TGFB2: variants seen among roughly 807,000 people sequenced by gnomAD.
TGFB2 encodes the protein transforming growth factor beta-2 proprotein.
A neutral mutation model predicts 42.7 loss-of-function variants in TGFB2; 13 were observed. That is an observed-to-expected ratio of 0.30 (90% CI 0.20 to 0.48). The LOEUF (loss-of-function observed/expected upper bound fraction) is 0.48. Among genes scored for constraint, TGFB2 ranks in the 20% least tolerant of loss-of-function variants. The probability of loss-of-function intolerance (pLI) is 0.99; values close to 1 mark genes in which losing one functional copy is unlikely to be tolerated. For missense variants in TGFB2, 390 were observed against 517.5 expected (o/e 0.75, Z 2.39); for synonymous variants, 193 against 193.6 (o/e 1.00, Z 0.03).
At chr1:218,380,300 C>T (rs1181156729) in intron 1 of TGFB2, among the ~76,000 whole-genome samples, 1 of 152,166 alleles carries the variant, frequency 6.6e-6, no homozygotes, top group Non-Finnish European at 1.5e-5. Context: ...ACGGACATTC[C>T]ACTCTAGAAG....
chr1:218,413,688 T>C (rs1471602579), intron 2 of TGFB2, among the ~76,000 whole-genome samples: 4 of 152,174 alleles, frequency 2.6e-5, no homozygotes, highest in African/African-American at 4.8e-5. Flanking sequence ...CAGGACACAA[T>C]CCCGTTGTAA....
intron 2 of TGFB2, among the ~76,000 whole-genome samples, chr1:218,433,620 A>C (rs1276832486): frequency 6.6e-6 from 1 of 152,244 alleles, no homozygotes; most frequent in Non-Finnish European, 1.5e-5. Context: ...TTTCTTTATT[A>C]GAAGGAGATT....
chr1:218,394,342 T>C (rs1470756897), intron 1 of TGFB2, among the ~76,000 whole-genome samples: 1 of 152,030 alleles, frequency 6.6e-6, no homozygotes, highest in Admixed American at 6.6e-5. Context: ...GGAACTGAAG[T>C]GAAATAGGTG....
chr1:218,428,867 G>A (rs1486118638), intron 2 of TGFB2, among the ~76,000 whole-genome samples: 1 of 151,578 alleles, frequency 6.6e-6, no homozygotes, highest in East Asian at 1.9e-4. Context: ...TTCCAATTCT[G>A]TGAAGAAAGC....
At chr1:218,417,827 G>A (rs1659330961) in intron 2 of TGFB2, among the ~76,000 whole-genome samples, 1 of 152,248 alleles carries the variant, frequency 6.6e-6, no homozygotes, top group Admixed American at 6.5e-5. Context: ...GCTTCAGAGG[G>A]TGCAAGCCCC....
At chr1:218,360,242 CTG>C (rs749738570) in intron 1 of TGFB2, among the ~76,000 whole-genome samples, 1 of 152,200 alleles carries the variant, frequency 6.6e-6, no homozygotes, top group Non-Finnish European at 1.5e-5. Context: ...TCTGGAAACA[CTG>C]TGTATTTTTG....
chr1:218,401,107 A>T (rs1018258380), intron 1 of TGFB2, among the ~76,000 whole-genome samples: 1 of 152,168 alleles, frequency 6.6e-6, no homozygotes, highest in African/African-American at 2.4e-5. Flanking sequence ...GAGGATGGAG[A>T]CCCTGTGCCC....
At chr1:218,415,994 A>G (rs543881639) in intron 2 of TGFB2, among the ~76,000 whole-genome samples, 3 of 152,174 alleles carry the variant, frequency 2.0e-5, no homozygotes, top group South Asian at 4.2e-4. Flanking sequence ...GGTGTCAGTC[A>G]TCTCTGCTTG....
At chr1:218,369,968 C>T (rs1291567922) in intron 1 of TGFB2, among the ~76,000 whole-genome samples, 3 of 152,186 alleles carry the variant, frequency 2.0e-5, no homozygotes, top group Admixed American at 2.0e-4. Flanking sequence ...AGACTTTACA[C>T]GGGGATGTTG....
At chr1:218,409,124 A>G (rs1021501040) in intron 2 of TGFB2, among the ~76,000 whole-genome samples, 6 of 152,190 alleles carry the variant, frequency 3.9e-5, no homozygotes, top group Non-Finnish European at 5.9e-5. Context: ...CTCAGGCAGT[A>G]CTGCAAGCAA....
At chr1:218,349,669 TAGCCCTTTGTGGGAC>T (rs1279638645) in intron 1 of TGFB2, among the ~76,000 whole-genome samples, 1 of 152,260 alleles carries the variant, frequency 6.6e-6, no homozygotes, top group African/African-American at 2.4e-5. Context: ...AGATTGCTGA[TAGCCCTTTGTGGGAC>T]ATTTTATAAA....
intron 1 of TGFB2, among the ~76,000 whole-genome samples, chr1:218,351,626 C>T (rs1322393175): frequency 6.6e-6 from 1 of 152,144 alleles, no homozygotes; most frequent in East Asian, 1.9e-4. Context: ...CTTTATGCCT[C>T]TCCTGAGGAG....
intron 2 of TGFB2, among the ~76,000 whole-genome samples, chr1:218,406,610 G>C (rs544287425): frequency 6.6e-6 from 1 of 152,278 alleles, no homozygotes; most frequent in South Asian, 2.1e-4. Flanking sequence ...TAGGGTATAG[G>C]CGGGGAAATT....
intron 1 of TGFB2, among the ~76,000 whole-genome samples, chr1:218,371,353 GT>G (rs1257181376): frequency 6.6e-6 from 1 of 152,014 alleles, no homozygotes; most frequent in Non-Finnish European, 1.5e-5. Context: ...AAAACTTTCT[GT>G]TTTGTGGATA....
Position 218,441,513 on chromosome 1 carries a change from CTT to C in TGFB2, c.*153_*154del. On this transcript the variant is annotated 3_prime_UTR_variant, in exon 7 of 7. Coordinates refer to ENST00000366930, the MANE Select transcript of TGFB2 (RefSeq NM_003238.6). ...TGAAAAGGCGGTACTAGTTCAGACA[CTT>C]TGGAAGTTTGTGTTCTGTTTGTTAA... The C allele has an allele frequency of 1.5e-6, 1 of 665,170 alleles. No individual in the cohort carries two copies. Among genetic ancestry groups the C allele is most frequent in the Non-Finnish European group, 2.3e-6 (1 of 440,554 alleles). The allele number at this position is 665,170 out of a possible 1,614,324, so 41.2% of individuals were successfully genotyped here. A position where few individuals can be genotyped will look rare whatever the true frequency, so the allele number is the denominator to read the frequency against.
chr1:218,407,108 G>T (rs909671272), intron 2 of TGFB2, among the ~76,000 whole-genome samples: 23 of 152,028 alleles, frequency 1.5e-4, no homozygotes, highest in African/African-American at 5.6e-4. Flanking sequence ...TTCTTTTTCT[G>T]TTTTTTTGAG....
At chr1:218,390,180 C>T (rs1230231468) in intron 1 of TGFB2, among the ~76,000 whole-genome samples, 21 of 147,056 alleles carry the variant, frequency 1.4e-4, no homozygotes, top group Non-Finnish European at 4.5e-5. Context: ...AAGCATTTGT[C>T]GTGCCCCCAC....
intron 1 of TGFB2, among the ~76,000 whole-genome samples, chr1:218,402,022 C>T (rs1658738894): frequency 6.6e-6 from 1 of 152,230 alleles, no homozygotes; most frequent in Non-Finnish European, 1.5e-5. Context: ...GAGCAGATGA[C>T]AGCACAGGAC....
intron 1 of TGFB2, among the ~76,000 whole-genome samples, chr1:218,386,810 T>C (rs1658152290): frequency 6.6e-6 from 1 of 152,236 alleles, no homozygotes; most frequent in African/African-American, 2.4e-5. Context: ...GTTCTGTTAA[T>C]AATATAAGCT....
Sources: allele counts gnomAD v4.1 joint callset (sites outside exome capture counted in the v4.1 genomes callset), GRCh38; gene constraint gnomAD v4.1.1; transcripts MANE v1.5; gene names NCBI Gene and HGNC (gene_info 2026-07-23, HGNC 2026-07-21).